MYO16: variants seen among roughly 807,000 people sequenced by gnomAD.
MYO16 encodes the protein unconventional myosin-XVI.
A neutral mutation model predicts 205.3 loss-of-function variants in MYO16; 94 were observed. The observed-to-expected ratio is 0.46, with a 90% confidence interval of 0.39 to 0.54. MYO16 has a LOEUF of 0.54. Ranked by LOEUF, MYO16 falls within the 20% of genes least tolerant of loss-of-function variation. The pLI, the probability that MYO16 is intolerant of heterozygous loss-of-function variation, is 0.00. For synonymous variants in MYO16, 988 were observed against 954.0 expected, an observed-to-expected ratio of 1.04 and a Z score of -0.66; for missense variants, 2,315 against 2,387.5, an observed-to-expected ratio of 0.97 and a Z score of 0.63.
At chr13:108,930,656 A>T (rs1286558419) in intron 16 of MYO16, among the ~76,000 whole-genome samples, 1 of 152,220 alleles carries the variant, frequency 6.6e-6, no homozygotes, top group Non-Finnish European at 1.5e-5. Flanking sequence ...TACCACCCTT[A>T]ATTGTGAAGT....
At chr13:108,622,303 G>C (rs1483453272) in intron 1 of MYO16, among the ~76,000 whole-genome samples, 2 of 152,190 alleles carry the variant, frequency 1.3e-5, no homozygotes, top group Non-Finnish European at 2.9e-5. Flanking sequence ...TGAGCACCTA[G>C]CTTGTACAGA....
At chr13:109,106,567 A>G (rs1889127820) in intron 28 of MYO16, among the ~76,000 whole-genome samples, 1 of 152,218 alleles carries the variant, frequency 6.6e-6, no homozygotes, top group Non-Finnish European at 1.5e-5. Flanking sequence ...CACATTTTAT[A>G]TGCATCAACT....
intron 27 of MYO16, among the ~76,000 whole-genome samples, chr13:109,070,651 T>C (rs1027279802): frequency 6.6e-6 from 1 of 152,200 alleles, no homozygotes; most frequent in Non-Finnish European, 1.5e-5. Flanking sequence ...AAAAGCACCC[T>C]GAGTCATTTT....
chr13:108,909,981 T>A, intron 15 of MYO16, 22 bp from the exon 16 acceptor site: 3 of 1,604,054 alleles, frequency 1.9e-6, no homozygotes, highest in Non-Finnish European at 2.6e-6. Flanking sequence ...TTTAACAGAA[T>A]CACTTTTCTT....
At chr13:109,007,396 AG>A (rs1282659299) in intron 21 of MYO16, among the ~76,000 whole-genome samples, 13 of 151,986 alleles carry the variant, frequency 8.6e-5, no homozygotes, top group Admixed American at 2.6e-4. Context: ...TCAAAAAAAA[AG>A]AAAAAAAAAA....
chr13:109,173,353 C>T (rs138609668), intron 33 of MYO16, among the ~76,000 whole-genome samples: 36 of 152,302 alleles, frequency 2.4e-4, no homozygotes, highest in African/African-American at 8.4e-4. Context: ...ATAATGATTA[C>T]TCTGTTACTT....
chr13:108,525,357 A>G, the MYO16 span, among the ~76,000 whole-genome samples: 2 of 152,196 alleles, frequency 1.3e-5, no homozygotes, highest in East Asian at 3.9e-4. Context: ...AAATAATTGA[A>G]TTAATGAAAT....
chr13:108,881,527 C>A (rs1879616340), intron 12 of MYO16, among the ~76,000 whole-genome samples: 1 of 152,118 alleles, frequency 6.6e-6, no homozygotes, highest in Non-Finnish European at 1.5e-5. Flanking sequence ...GAACCCATTG[C>A]AAAGAAGCTA....
intron 2 of MYO16, among the ~76,000 whole-genome samples, chr13:108,678,925 G>A (rs920771781): frequency 5.9e-5 from 9 of 152,128 alleles, no homozygotes; most frequent in African/African-American, 2.2e-4. Flanking sequence ...GTCTGGTGAG[G>A]GTCTGCTTTC....
At chr13:108,805,396 A>C (rs1018833972) in intron 6 of MYO16, among the ~76,000 whole-genome samples, 2 of 152,190 alleles carry the variant, frequency 1.3e-5, no homozygotes, top group Admixed American at 1.3e-4. Context: ...AAAGCTATAA[A>C]AATAAATGTT....
intron 23 of MYO16, among the ~76,000 whole-genome samples, chr13:109,045,192 C>T (rs950815182): frequency 7.9e-5 from 12 of 152,178 alleles, no homozygotes; most frequent in Admixed American, 3.9e-4. Flanking sequence ...AGCCAAGCCT[C>T]TAGATGGAGG....
At position 109,127,423 on chromosome 13, in the gene MYO16, C is replaced by T; in HGVS notation, c.3924C>T (p.Ser1308=). Residue 1308 remains serine (S), a synonymous_variant, in exon 31 of 35, where the codon AGC becomes AGT. Coordinates refer to ENST00000457511, the MANE Select transcript of MYO16 (RefSeq NM_001198950.3). The surrounding 1 kb of genome is among the most constrained non-coding windows in gnomAD (Gnocchi z 4.2). ...ACTCGGTGTTCAGCATGGATGACAG[C>T]AGCAGCCTCCCGTCTCCACGGAAAC... ...SLHSVFSMDD[S]SSLPSPRKQP... 1 of 1,614,062 alleles carries T rather than the reference C, an allele frequency of 6.2e-7. No individual in the cohort carries two copies. The highest frequency in any genetic ancestry group is 8.5e-7 in the Non-Finnish European group (1 of 1,180,004).
At position 109,019,927 on chromosome 13, in the gene MYO16, T is replaced by C; in HGVS notation, c.2796+16T>C. 6.2e-7 allele frequency: 1 copy of C among 1,611,478 alleles called. No homozygotes were observed. Among genetic ancestry groups the C allele is most frequent in the Middle Eastern group, 1.7e-4 (1 of 6,042 alleles). ...CGCAGGAAGGGTAAGTGGCCAGAAC[T>C]GCATAATTTTTCATGTGCACTAATG... is the stretch of plus-strand genomic sequence containing the variant. On this transcript the variant is annotated intron_variant, in intron 23 of 34. Transcript: ENST00000457511.
At chr13:108,804,392 T>A (rs1284923877) in intron 6 of MYO16, among the ~76,000 whole-genome samples, 2 of 151,874 alleles carry the variant, frequency 1.3e-5, no homozygotes, top group Non-Finnish European at 2.9e-5. Flanking sequence ...AGGAGAGGAA[T>A]GTTCTGAGAC....
At chr13:108,967,006 T>C (rs1389623313) in intron 20 of MYO16, among the ~76,000 whole-genome samples, 1 of 152,152 alleles carries the variant, frequency 6.6e-6, no homozygotes, top group Non-Finnish European at 1.5e-5. Context: ...TTGATTGTGA[T>C]AGAATAGACA....
the MYO16 span, among the ~76,000 whole-genome samples, chr13:108,571,811 ATG>A: frequency 3.3e-5 from 5 of 150,814 alleles, no homozygotes; most frequent in African/African-American, 1.2e-4. Context: ...GTGAGTTCCC[ATG>A]TGTGTCTTGT....
intron 27 of MYO16, 96 bp from the exon 28 acceptor site, chr13:109,100,689 C>T: frequency 1.1e-6 from 1 of 949,352 alleles, no homozygotes. Flanking sequence ...GACGGGGAAA[C>T]TTTTGGGAAA....
At chr13:108,637,701 C>A (rs935837092) in intron 1 of MYO16, among the ~76,000 whole-genome samples, 5 of 151,864 alleles carry the variant, frequency 3.3e-5, no homozygotes, top group Non-Finnish European at 5.9e-5. Context: ...ATGGCAAAAC[C>A]CCATCTCTAC....
chr13:108,740,086 C>T (rs753948751), intron 4 of MYO16, among the ~76,000 whole-genome samples: 2 of 149,622 alleles, frequency 1.3e-5, no homozygotes, highest in African/African-American at 2.5e-5. Context: ...TTGGAACTTC[C>T]TCCTTTAGCT....
Sources: allele counts gnomAD v4.1 joint callset (sites outside exome capture counted in the v4.1 genomes callset), GRCh38; gene constraint gnomAD v4.1.1; non-coding constraint Gnocchi (gnomAD v3.1); transcripts MANE v1.5; gene names NCBI Gene and HGNC (gene_info 2026-07-23, HGNC 2026-07-21).